The following XKR5 variants were observed in gnomAD, a reference collection of about 807,000 sequenced individuals.
The protein encoded by XKR5 is XK-related protein 5.
Under a neutral mutation model 40.8 loss-of-function variants are expected in XKR5, and 46 were observed. That is an observed-to-expected ratio of 1.13 (90% CI 0.89 to 1.44). The LOEUF (loss-of-function observed/expected upper bound fraction) is 1.44, where lower values mean the gene tolerates loss of function less well. Ranked by LOEUF, XKR5 falls within the 40% of genes most tolerant of loss-of-function variation. XKR5 has a pLI of 0.00. For missense variants in XKR5, 1,169 were observed against 844.7 expected, an observed-to-expected ratio of 1.38 and a Z score of -4.76; for synonymous variants, 466 against 356.1, an observed-to-expected ratio of 1.31 and a Z score of -3.48.
chr8:6,829,929 A>C (rs1019540097), intron 2 of XKR5, among the ~76,000 whole-genome samples: 2 of 137,184 alleles, frequency 1.5e-5, no homozygotes, highest in Non-Finnish European at 3.0e-5. Context: ...GTTCCGCCTA[A>C]CGGGTTCATG....
intron 6 of XKR5, among the ~76,000 whole-genome samples, chr8:6,813,016 T>C (rs1803808855): frequency 1.3e-5 from 2 of 152,252 alleles, no homozygotes; most frequent in South Asian, 4.1e-4. Flanking sequence ...ATTTCCAGTT[T>C]CCTGTTGTAC....
chr8:6,811,365 G>C lies in XKR5; in HGVS notation c.1894C>G (p.Pro632Ala). Residue 632 changes from proline (P) to alanine (A), a missense_variant, in exon 7 of 7, where the codon CCC (proline) becomes GCC (alanine). By Grantham distance (27) the Pro-to-Ala change is conservative. Coordinates refer to ENST00000618742, the MANE Select transcript of XKR5 (RefSeq NM_207411.5). ...GCATGGTGACTTAGCTCCCTTTTGGGCTCCAGCGGCTCCTCTAGCTCTGAG... is the reference window on the plus strand; with the variant it reads ...GCATGGTGACTTAGCTCCCTTTTGGCCTCCAGCGGCTCCTCTAGCTCTGAG... ...SISELEEPLE[P>A]KRELSHHAAV... is the part of the protein sequence containing the mutation. 6.5e-7 allele frequency: 1 copy of C among 1,537,364 alleles called. No individual in the cohort carries two copies. The highest frequency in any genetic ancestry group is 8.7e-7 in the Non-Finnish European group (1 of 1,146,942).
intron 2 of XKR5, 148 bp downstream of exon 2, chr8:6,832,569 C>A: frequency 1.1e-6 from 1 of 920,972 alleles, no homozygotes. Flanking sequence ...ATGCCAATAT[C>A]AGAGCAGGGG....
In XKR5 at chr8:6,811,840, A is replaced by T; in HGVS notation, c.1419T>A (p.Gly473=). Residue 473 remains glycine, a synonymous_variant, in exon 7 of 7, where the codon GGT becomes GGA. Coordinates refer to ENST00000618742, the MANE Select transcript of XKR5 (RefSeq NM_207411.5). ...STLENSSAFE[G]VPKAEADPLE... ...ATGGGTCGGCCTCTGCTTTAGGGACACCTTCAAACGCAGAGCTGTTCTCTA... is the reference window on the plus strand; with the variant it reads ...ATGGGTCGGCCTCTGCTTTAGGGACTCCTTCAAACGCAGAGCTGTTCTCTA... The T allele has an allele frequency of 6.5e-7, 1 of 1,537,582 alleles. No individual in the cohort carries two copies. Among genetic ancestry groups the T allele is most frequent in the Non-Finnish European group, 8.7e-7 (1 of 1,146,994 alleles).
chr8:6,830,077 T>G (rs1322143114), intron 2 of XKR5, among the ~76,000 whole-genome samples: 1 of 152,134 alleles, frequency 6.6e-6, no homozygotes, highest in East Asian at 1.9e-4. Flanking sequence ...GACCTCGTGA[T>G]CCGCCTGCCT....
At chr8:6,819,038 C>G (rs769045760) in intron 5 of XKR5, among the ~76,000 whole-genome samples, 2 of 152,220 alleles carry the variant, frequency 1.3e-5, no homozygotes, top group African/African-American at 2.4e-5. Context: ...CAAGCTCTGT[C>G]TCAGAAAAAC....
intron 6 of XKR5, among the ~76,000 whole-genome samples, chr8:6,814,846 C>A (rs1803887038): frequency 6.6e-6 from 1 of 152,192 alleles, no homozygotes; most frequent in African/African-American, 2.4e-5. Flanking sequence ...ACAGCCCCTG[C>A]ATCTCACTAA....
rs1474959302 is a variant in XKR5 at position 6,835,504 on chromosome 8, G to T, written c.-11C>A. The T allele has an allele frequency of 2.7e-6, 4 of 1,494,792 alleles. No homozygotes were observed. Among genetic ancestry groups the T allele is most frequent in the East Asian group, 2.7e-5 (1 of 36,460 alleles). 92.6% of individuals were successfully genotyped at this position (1,494,792 alleles called of 1,614,324 possible). A position where few individuals can be genotyped will look rare whatever the true frequency, so the allele number is the denominator to read the frequency against. ...GAGCCTCGCGTGCATCTTCCGTGCCGACCCCGCAGCCTGCGCCCGCCCCTT... is the reference window on the plus strand; with the variant it reads ...GAGCCTCGCGTGCATCTTCCGTGCCTACCCCGCAGCCTGCGCCCGCCCCTT... On this transcript the variant is annotated 5_prime_UTR_variant, in exon 1 of 7. Transcript: ENST00000618742.
chr8:6,818,524 A>C (rs1804071991), intron 5 of XKR5, among the ~76,000 whole-genome samples: 1 of 152,256 alleles, frequency 6.6e-6, no homozygotes, highest in Non-Finnish European at 1.5e-5. Flanking sequence ...TAACGGGTGA[A>C]AGAAGTGAGA....
chr8:6,811,512 G>T lies in XKR5; in HGVS notation c.1747C>A (p.Pro583Thr), dbSNP rs1803686405. ...AAGGGCGCCAAGCCCACTGGGTGGG[G>T]CGATGCAGGCTGGGCAGGGCTGCTC... ...GKSSPAQPAS[P>T]HPVGLAPFPD... The change falls in exon 7 of 7, where the codon CCC becomes ACC. Residue 583 changes from proline (P) to threonine (T), a missense_variant. Pro to Thr is a conservative substitution (Grantham distance 38). Transcript: ENST00000618742. The T allele has an allele frequency of 1.3e-6, 2 of 1,530,246 alleles. No individual in the cohort carries two copies. Among genetic ancestry groups the T allele is most frequent in the Admixed American group, 3.9e-5 (2 of 50,658 alleles). The allele number at this position is 1,530,246 out of a possible 1,614,324, so 94.8% of individuals were successfully genotyped here.
intron 2 of XKR5, among the ~76,000 whole-genome samples, chr8:6,832,334 G>C (rs1184097775): frequency 2.0e-5 from 3 of 152,232 alleles, no homozygotes; most frequent in African/African-American, 7.2e-5. Flanking sequence ...CTAGTCTGTG[G>C]TTCACTAAAC....
intron 5 of XKR5, among the ~76,000 whole-genome samples, chr8:6,816,768 C>T (rs1169545725): frequency 6.8e-6 from 1 of 147,034 alleles, no homozygotes; most frequent in Non-Finnish European, 1.5e-5. Context: ...ATATTAAATA[C>T]TGTGTATTTT....
chr8:6,811,358 C>G lies in XKR5; in HGVS notation c.1901G>C (p.Arg634Thr). The G allele has an allele frequency of 6.5e-7, 1 of 1,537,402 alleles. No homozygotes were observed. Among genetic ancestry groups the G allele is most frequent in the Non-Finnish European group, 8.7e-7 (1 of 1,146,942 alleles). The change falls in exon 7 of 7, where the codon AGG becomes ACG. Residue 634 changes from arginine (R) to threonine (T), a missense_variant. Transcript: ENST00000618742. ...SELEEPLEPK[R>T]ELSHHAAVGV... ...AACAGCTGCATGGTGACTTAGCTCC[C>G]TTTTGGGCTCCAGCGGCTCCTCTAG...
chr8:6,829,985 C>T (rs1587199830), intron 2 of XKR5, among the ~76,000 whole-genome samples: 1 of 151,736 alleles, frequency 6.6e-6, no homozygotes, highest in Non-Finnish European at 1.5e-5. Flanking sequence ...CTACAGGCGC[C>T]CGCCACCACG....
intron 1 of XKR5, among the ~76,000 whole-genome samples, chr8:6,835,020 G>A (rs772714088): frequency 6.6e-6 from 1 of 152,118 alleles, no homozygotes; most frequent in Non-Finnish European, 1.5e-5. Context: ...GGAGAGCCCG[G>A]GCGCCCCCAG....
chr8:6,825,302 G>A lies in XKR5; in HGVS notation c.290C>T (p.Pro97Leu), dbSNP rs1484849770. 1.2e-6 allele frequency: 2 copies of A among 1,607,144 alleles called. No homozygotes were observed. The highest frequency in any genetic ancestry group is 1.7e-6 in the Non-Finnish European group (2 of 1,177,420). Residue 97 changes from proline (P) to leucine (L), a missense_variant, in exon 3 of 7, where the codon CCC becomes CTC. Coordinates refer to ENST00000618742, the MANE Select transcript of XKR5 (RefSeq NM_207411.5). Reference sequence around the variant, plus strand: ...CTGCAGCTGCAGCCAGCCTCGGTGGGGAGCCTCCAGTTCCTTCTGCAGACT... The same window carrying A: ...CTGCAGCTGCAGCCAGCCTCGGTGGAGAGCCTCCAGTTCCTTCTGCAGACT... ...LTSLQKELEA[P>L]HRGWLQLQEA...
intron 5 of XKR5, among the ~76,000 whole-genome samples, chr8:6,818,476 A>C (rs1804068657): frequency 6.6e-6 from 1 of 152,248 alleles, no homozygotes; most frequent in South Asian, 2.1e-4. Context: ...TTTTCAGCAC[A>C]GGAGGAAGCT....
At chr8:6,834,778 A>G (rs1804935615) in intron 1 of XKR5, among the ~76,000 whole-genome samples, 1 of 146,192 alleles carries the variant, frequency 6.8e-6, no homozygotes, top group African/African-American at 2.8e-5. Flanking sequence ...CGTTCAAACC[A>G]GAAGGGCGCG....
chr8:6,821,798 C>G, intron 5 of XKR5, 71 bp downstream of exon 5: 1 of 1,402,254 alleles, frequency 7.1e-7, no homozygotes, highest in East Asian at 2.4e-5. Flanking sequence ...ACACACCCCC[C>G]ACACACACCC....
Sources: allele counts gnomAD v4.1 joint callset (sites outside exome capture counted in the v4.1 genomes callset), GRCh38; gene constraint gnomAD v4.1.1; transcripts MANE v1.5; gene names NCBI Gene and HGNC (gene_info 2026-07-23, HGNC 2026-07-21).